The following CHMP1A variants were observed in gnomAD, a reference collection of about 807,000 sequenced individuals.
CHMP1A encodes the protein charged multivesicular body protein 1A.
Under a neutral mutation model 27.0 loss-of-function variants are expected in CHMP1A, and 17 were observed. The observed-to-expected ratio is 0.63, with a 90% CI of 0.43 to 0.95. The LOEUF (loss-of-function observed/expected upper bound fraction) is 0.95, where lower values mean the gene tolerates loss of function less well. CHMP1A is among the 40% of genes least tolerant of loss of function. The pLI is 0.00. For missense variants in CHMP1A, 275 were observed against 264.0 expected (o/e 1.04, Z -0.29); for synonymous variants, 131 against 107.5 (o/e 1.22, Z -1.35).
chr16:89,655,294 G>T (rs921365824), intron 1 of CHMP1A, among the ~76,000 whole-genome samples: 1 of 152,202 alleles, frequency 6.6e-6, no homozygotes, highest in Admixed American at 6.5e-5. Flanking sequence ...GACCCAGATG[G>T]CACAGTGCAG....
chr16:89,647,133 C>A (rs775876229), intron 5 of CHMP1A, 70 bp downstream of exon 5: 1 of 1,571,528 alleles, frequency 6.4e-7, no homozygotes, highest in Non-Finnish European at 8.6e-7. Flanking sequence ...TGTGAGCCAC[C>A]CCTCCCGATG....
At chr16:89,657,459 G>T in intron 1 of CHMP1A, 123 bp downstream of exon 1, 1 of 1,247,466 alleles carries the variant, frequency 8.0e-7, no homozygotes, top group Non-Finnish European at 1.1e-6. Context: ...CCGGGGGATC[G>T]ACGGTCGAGG....
At chr16:89,655,828 G>A (rs1310002770) in intron 1 of CHMP1A, among the ~76,000 whole-genome samples, 2 of 152,182 alleles carry the variant, frequency 1.3e-5, no homozygotes, top group African/African-American at 4.8e-5. Flanking sequence ...GTTTCACCAT[G>A]TTGGCCAGGC....
intron 4 of CHMP1A, among the ~76,000 whole-genome samples, chr16:89,649,018 G>C (rs1374195214): frequency 6.6e-6 from 1 of 151,418 alleles, no homozygotes; most frequent in Non-Finnish European, 1.5e-5. Flanking sequence ...GAGCAAGACA[G>C]TCTCTAAAAA....
At chr16:89,649,742 A>AT in intron 3 of CHMP1A, 1 of 456,792 alleles carries the variant, frequency 2.2e-6, no homozygotes, top group Admixed American at 4.0e-5. Flanking sequence ...TGCCTGGCTA[A>AT]TTTTTTTGTA....
intron 3 of CHMP1A, 102 bp downstream of exon 3, chr16:89,651,466 CT>C (rs1201145339): frequency 3.3e-6 from 3 of 912,060 alleles, no homozygotes; most frequent in Non-Finnish European, 5.2e-6. Context: ...TGCCCTGCCC[CT>C]CCCCAAAAGG....
At position 89,646,721 on chromosome 16, in the gene CHMP1A, G is replaced by A. The variant is rs886978768; in HGVS notation, c.382-7C>T. On this transcript the variant is annotated splice_region_variant and splice_polypyrimidine_tract_variant and intron_variant, in intron 5 of 6. Transcript: ENST00000397901. ...TCATGGAGTCCTCCATCACCTGGGG[G>A]CAGGGGCATGCTCTGGACAACAGGT... 11 of 1,606,322 alleles carry A rather than the reference G, an allele frequency of 6.8e-6. No homozygotes were observed. The African/African-American group carries it at 1.2e-4, about 18-fold the overall frequency.
chr16:89,654,812 G>A (rs1455808666), intron 1 of CHMP1A, among the ~76,000 whole-genome samples: 1 of 151,966 alleles, frequency 6.6e-6, no homozygotes, highest in African/African-American at 2.4e-5. Context: ...GCGTGGTGGC[G>A]GGCGCCTGTA....
At chr16:89,646,224 C>G in intron 6 of CHMP1A, 137 bp from the exon 7 acceptor site, 1 of 796,494 alleles carries the variant, frequency 1.3e-6, no homozygotes, top group African/African-American at 1.7e-5. Context: ...AACAGACATG[C>G]CCTGTCCCAC....
Position 89,645,795 on chromosome 16 carries a change from G to A in CHMP1A, c.*271C>T. On this transcript the variant is annotated 3_prime_UTR_variant, in exon 7 of 7. Coordinates refer to ENST00000397901, the MANE Select transcript of CHMP1A (RefSeq NM_002768.5). ...CCACAGTGCTGGGTGAAAGTCCACA[G>A]GGCCCCTCTTGGCCTCCCCGCTGTG... 1 of 957,122 alleles carries A rather than the reference G, an allele frequency of 1.0e-6. No homozygotes were observed. The highest frequency in any genetic ancestry group is 1.5e-6 in the Non-Finnish European group (1 of 670,822). The allele number at this position is 957,122 out of a possible 1,614,324, so 59.3% of individuals were successfully genotyped here.
chr16:89,657,583 G>T lies in CHMP1A; in HGVS notation c.6C>A (p.Asp2Glu). Residue 2 changes from aspartate to glutamate, a missense_variant and splice_region_variant, in exon 1 of 7, where the codon GAC becomes GAA. Coordinates refer to ENST00000397901, the MANE Select transcript of CHMP1A (RefSeq NM_002768.5). The part of the protein sequence containing the change: M[D>E]DTLFQLKFTA... ...CGGAGGACGGCCGCGACCTCTTACCGTCCATGGCCACAATGACAGGAGCAG... is the reference window on the plus strand; with the variant it reads ...CGGAGGACGGCCGCGACCTCTTACCTTCCATGGCCACAATGACAGGAGCAG... The T allele has an allele frequency of 6.2e-7, 1 of 1,611,208 alleles. No homozygotes were observed. The highest frequency in any genetic ancestry group is 8.5e-7 in the Non-Finnish European group (1 of 1,179,244).
At position 89,646,102 on chromosome 16, in the gene CHMP1A, C is replaced by T. The variant is rs770715316; in HGVS notation, c.570-15G>A. 4 of 1,539,854 alleles carry T rather than the reference C, an allele frequency of 2.6e-6. No homozygotes were observed. The highest frequency in any genetic ancestry group is 4.6e-5 in the East Asian group (2 of 43,624). ...AGGCGGCCAACCTGGAAACCAACAA[C>T]AGGACTCGGGTCAGGGCAGGGGAAG... On this transcript the variant is annotated splice_polypyrimidine_tract_variant and intron_variant, in intron 6 of 6. Transcript: ENST00000397901.
intron 2 of CHMP1A, 80 bp downstream of exon 2, chr16:89,653,824 C>T: frequency 7.0e-7 from 1 of 1,427,704 alleles, no homozygotes; most frequent in South Asian, 1.1e-5. Flanking sequence ...CCGACTGTTT[C>T]TGTGGCTCTG....
chr16:89,647,088 A>G (rs752658470), intron 5 of CHMP1A, 115 bp downstream of exon 5: 2 of 1,536,644 alleles, frequency 1.3e-6, no homozygotes, highest in South Asian at 2.4e-5. Flanking sequence ...GACGTCAGGG[A>G]GCAACCACAG....
intron 4 of CHMP1A, among the ~76,000 whole-genome samples, chr16:89,648,833 G>A (rs1162682612): frequency 1.0e-5 from 1 of 99,454 alleles, no homozygotes; most frequent in Non-Finnish European, 2.1e-5. Flanking sequence ...TGAGACCAGA[G>A]TGGCCAACAT....
rs377068461 is a variant in CHMP1A at position 89,646,560 on chromosome 16, G to A, written c.536C>T (p.Ser179Phe). ...CAGCTGGTCCTCCTGGCTGCGCACA[G>A]AGCTCTCGCCCACGGCAGAGGCGCC... ...PEGASAVGES[S>F]VRSQEDQLSR... Residue 179 changes from serine (S) to phenylalanine (F), a missense_variant, in exon 6 of 7, where the codon TCT becomes TTT. Coordinates refer to ENST00000397901, the MANE Select transcript of CHMP1A (RefSeq NM_002768.5). 1 of 1,593,598 alleles carries A rather than the reference G, an allele frequency of 6.3e-7. No individual in the cohort carries two copies. Among genetic ancestry groups the A allele is most frequent in the East Asian group, 2.3e-5 (1 of 43,904 alleles).
In CHMP1A at chr16:89,649,435, C is replaced by T; in HGVS notation, c.168G>A (p.Lys56=). ...RVYAENAIRK[K]NEGVNWLRMA... is the part of the protein sequence containing the mutation. ...TCCGAAGCCAGTTCACACCTTCGTT[C>T]TTCTTGCGGATGGCGTTCTCGGCAT... The change falls in exon 4 of 7, where the codon AAG becomes AAA. Residue 56 remains lysine, a synonymous_variant. Transcript: ENST00000397901. 1.6e-5 allele frequency: 26 copies of T among 1,613,776 alleles called. No individual in the cohort carries two copies. The highest frequency in any genetic ancestry group is 2.2e-5 in the Non-Finnish European group (26 of 1,179,880).
Position 89,651,626 on chromosome 16 carries a change from C to T in CHMP1A, c.48G>A (p.Glu16=). 2 of 1,613,742 alleles carry T rather than the reference C, an allele frequency of 1.2e-6. No individual in the cohort carries two copies. The highest frequency in any genetic ancestry group is 1.7e-5 in the Admixed American group (1 of 60,022). The change falls in exon 3 of 7, where the codon GAG becomes GAA. Residue 16 remains glutamate (E), a synonymous_variant. Transcript: ENST00000397901. ...FQLKFTAKQL[E]KLAKKAEKDS... ...CCTTCTCCGCCTTCTTGGCCAGCTT[C>T]TCCAGCTGCTTCGCCGTGAACTGAG...
rs952264059 is a variant in CHMP1A, at chr16:89,657,611, C to G, written c.-23G>C. The G allele has an allele frequency of 2.5e-6, 4 of 1,611,016 alleles. No individual in the cohort carries two copies. Among genetic ancestry groups the G allele is most frequent in the Admixed American group, 1.7e-5 (1 of 59,958 alleles). On this transcript the variant is annotated 5_prime_UTR_variant, in exon 1 of 7. Transcript: ENST00000397901. ...CATGGCCACAATGACAGGAGCAGCA[C>G]TCGGAGAGGGAGAAGGGACGCCAAC... is the stretch of plus-strand genomic sequence containing the variant.
Sources: allele counts gnomAD v4.1 joint callset (sites outside exome capture counted in the v4.1 genomes callset), GRCh38; gene constraint gnomAD v4.1.1; transcripts MANE v1.5; gene names NCBI Gene and HGNC (gene_info 2026-07-23, HGNC 2026-07-21).